ADGRV1: variants seen among roughly 807,000 people sequenced by gnomAD.
ADGRV1 encodes G-protein coupled receptor 98.
In ADGRV1, 359 loss-of-function variants were observed where a neutral mutation model predicts 596.2. That is an observed-to-expected ratio of 0.60 (90% CI 0.55 to 0.66). The LOEUF (loss-of-function observed/expected upper bound fraction) is 0.66. Among genes scored for constraint, ADGRV1 ranks in the 30% least tolerant of loss-of-function variants. The pLI is 0.00. For missense variants in ADGRV1, 7,274 were observed against 7,575.6 expected (o/e 0.96, Z 1.48); for synonymous variants, 2,681 against 2,679.2 (o/e 1.00, Z -0.02).
At chr5:91,014,175 C>CACACACACACA (rs56200811) in intron 85 of ADGRV1, among the ~76,000 whole-genome samples, 7 of 143,508 alleles carry the variant, frequency 4.9e-5, no homozygotes, top group Admixed American at 1.4e-4. Flanking sequence ...CACACACACA[C>CACACACACACA]CCCTAGACAT....
At position 90,653,855 on chromosome 5, in the gene ADGRV1, A is replaced by G; in HGVS notation, c.4281A>G (p.Leu1427=). The G allele has an allele frequency of 3.1e-6, 5 of 1,610,360 alleles. No homozygotes were observed. Among genetic ancestry groups the G allele is most frequent in the Non-Finnish European group, 4.2e-6 (5 of 1,178,154 alleles). The part of the protein sequence containing the change: ...KYLEESVWLH[L]LIILEDGIIE... ...TAGAAGAAAGTGTTTGGCTTCATCT[A>G]CTAATTATCCTGGAGGATGGTATAA... The change falls in exon 20 of 90, where the codon CTA becomes CTG. Residue 1427 remains leucine (L), a synonymous_variant. Transcript: ENST00000405460.
intron 68 of ADGRV1, among the ~76,000 whole-genome samples, chr5:90,789,033 T>C (rs1759789810): frequency 6.6e-6 from 1 of 152,234 alleles, no homozygotes; most frequent in South Asian, 2.1e-4. Context: ...TGCAGTTTTG[T>C]GGAGCAGAGC....
At chr5:91,158,224 C>T (rs1796633955) in intron 89 of ADGRV1, among the ~76,000 whole-genome samples, 1 of 152,226 alleles carries the variant, frequency 6.6e-6, no homozygotes, top group African/African-American at 2.4e-5. Context: ...TCTCTCCTTA[C>T]ATCTGCAGCC....
rs559390278 is a variant in ADGRV1 at position 90,996,468 on chromosome 5, A to G, written c.18152+10946A>G. On this transcript the variant is annotated intron_variant, in intron 85 of 89. Transcript: ENST00000405460. The stretch of plus-strand genomic sequence containing the variant: ...AAGAGTTGAAGCCTGGGAGACTCCA[A>G]CTAGATTTCAGAGGATGTATGGAAA... Among the ~76,000 whole-genome samples the G allele has an allele frequency of 4.6e-5, 7 of 152,328 alleles. No homozygotes were observed. The East Asian group carries it at 5.8e-4, about 13-fold the overall frequency.
At chr5:91,090,181 A>G (rs916040432) in intron 86 of ADGRV1, among the ~76,000 whole-genome samples, 1 of 152,116 alleles carries the variant, frequency 6.6e-6, no homozygotes, top group Non-Finnish European at 1.5e-5. Context: ...AGAGCACTTA[A>G]CCTTTTCCTT....
At chr5:90,585,235 A>G (rs1216683571) in intron 1 of ADGRV1, among the ~76,000 whole-genome samples, 1 of 152,214 alleles carries the variant, frequency 6.6e-6, no homozygotes, top group African/African-American at 2.4e-5. Flanking sequence ...TGTATAAAAA[A>G]TTCAAGGGTA....
At chr5:90,625,379 A>G in intron 6 of ADGRV1, 136 bp downstream of exon 6, 1 of 524,196 alleles carries the variant, frequency 1.9e-6, no homozygotes, top group Non-Finnish European at 3.4e-6. Context: ...TCTTATTACT[A>G]TTTATCTTAC....
chr5:91,126,889 G>A (rs1428711729), intron 87 of ADGRV1, among the ~76,000 whole-genome samples: 2 of 152,132 alleles, frequency 1.3e-5, no homozygotes, highest in African/African-American at 4.8e-5. Context: ...TCTCTCGGAG[G>A]CAGCAAGCAG....
chr5:90,921,365 A>T (rs1773860451), intron 83 of ADGRV1, among the ~76,000 whole-genome samples: 1 of 151,902 alleles, frequency 6.6e-6, no homozygotes, highest in South Asian at 2.1e-4. Context: ...GGGTCTTGTA[A>T]TTGACTGCCT....
chr5:90,907,351 A>G (rs994499383), intron 83 of ADGRV1, among the ~76,000 whole-genome samples: 1 of 152,168 alleles, frequency 6.6e-6, no homozygotes, highest in Admixed American at 6.6e-5. Flanking sequence ...AATAAATATT[A>G]TTTTTTGTCC....
chr5:90,713,932 G>A (rs575641102), intron 42 of ADGRV1, among the ~76,000 whole-genome samples: 3 of 152,208 alleles, frequency 2.0e-5, no homozygotes, highest in African/African-American at 7.2e-5. Flanking sequence ...ACAGTGAGTC[G>A]TTTCTTAAAC....
At position 90,653,972 on chromosome 5, in the gene ADGRV1, C is replaced by G. The variant is rs1339582651; in HGVS notation, c.4378+20C>G. On this transcript the variant is annotated intron_variant, in intron 20 of 89. Transcript: ENST00000405460. ...CTGACGGTGAGGGTCATCATCACAA[C>G]TAGGACACTGAAATTTGCAGTTTCT... The G allele has an allele frequency of 1.9e-6, 3 of 1,551,458 alleles. No homozygotes were observed. Among genetic ancestry groups the G allele is most frequent in the Admixed American group, 3.9e-5 (2 of 51,004 alleles).
intron 1 of ADGRV1, among the ~76,000 whole-genome samples, chr5:90,580,713 T>C (rs1757913103): frequency 1.3e-5 from 2 of 152,200 alleles, no homozygotes; most frequent in South Asian, 4.1e-4. Context: ...GCCCTTAACA[T>C]TTTTTCCTTC....
intron 64 of ADGRV1, chr5:90,781,115 CA>C: frequency 2.7e-6 from 1 of 374,812 alleles, no homozygotes; most frequent in South Asian, 2.3e-5. Context: ...CCGTGATTCC[CA>C]AAGGTTCATT....
Position 90,823,388 on chromosome 5 carries a change from C to T in ADGRV1, c.16197-37C>T, listed in dbSNP as rs115364319. On this transcript the variant is annotated intron_variant, in intron 75 of 89. Transcript: ENST00000405460. The stretch of plus-strand genomic sequence containing the variant: ...AACTCTATTAGACATGGGGATGACA[C>T]CCTCTGTTAAGGCATTGGTGGGTTT... 4.3e-4 allele frequency: 685 copies of T among 1,599,928 alleles called. 4 individuals are homozygous for T. In the African/African-American group the frequency reaches 8.6e-3, roughly 20 times the overall value.
Position 90,697,065 on chromosome 5 carries a change from A to C in ADGRV1, c.8074A>C (p.Arg2692=). The change falls in exon 34 of 90, where the codon AGA becomes CGA. Residue 2692 remains arginine (R), a synonymous_variant. Transcript: ENST00000405460. ...AATTTTGCCAAGCTCCGACACTGTTAGAGTGAACATTTTGGCCAATGACAA... is the reference window on the plus strand; with the variant it reads ...AATTTTGCCAAGCTCCGACACTGTTCGAGTGAACATTTTGGCCAATGACAA... The part of the protein sequence containing the change: ...SRILPSSDTV[R]VNILANDNVA... The C allele has an allele frequency of 6.2e-7, 1 of 1,613,534 alleles. No individual in the cohort carries two copies. The highest frequency in any genetic ancestry group is 8.5e-7 in the Non-Finnish European group (1 of 1,179,524).
chr5:91,050,814 G>T (rs1161421210), intron 85 of ADGRV1, among the ~76,000 whole-genome samples: 1 of 152,206 alleles, frequency 6.6e-6, no homozygotes, highest in East Asian at 1.9e-4. Flanking sequence ...AGATGCAGTT[G>T]TACTGCTGCA....
At chr5:91,026,144 G>T (rs779082247) in intron 85 of ADGRV1, among the ~76,000 whole-genome samples, 2 of 152,094 alleles carry the variant, frequency 1.3e-5, no homozygotes, top group African/African-American at 2.4e-5. Flanking sequence ...TATTGAACCT[G>T]CTCCAAGGTC....
At chr5:91,084,436 C>A (rs996523259) in intron 86 of ADGRV1, among the ~76,000 whole-genome samples, 7 of 152,172 alleles carry the variant, frequency 4.6e-5, no homozygotes, top group African/African-American at 1.7e-4. Flanking sequence ...ACAGACATTT[C>A]TCAAAAGAAG....
Sources: allele counts gnomAD v4.1 joint callset (sites outside exome capture counted in the v4.1 genomes callset), GRCh38; gene constraint gnomAD v4.1.1; transcripts MANE v1.5; gene names NCBI Gene and HGNC (gene_info 2026-07-23, HGNC 2026-07-21).